CFAP58: variants seen among roughly 807,000 people sequenced by gnomAD.
CFAP58 encodes cilia- and flagella-associated protein 58.
In CFAP58, 88 loss-of-function variants were observed where a neutral mutation model predicts 119.5. The ratio of observed to expected loss-of-function variants is 0.74; its 90% CI spans 0.62 to 0.88. The LOEUF is 0.88. Among genes scored for constraint, CFAP58 ranks in the 40% least tolerant of loss-of-function variants. The pLI is 0.00. For synonymous variants in CFAP58, 365 were observed against 366.3 expected, an observed-to-expected ratio of 1.00 and a Z score of 0.04; for missense variants, 990 against 1,021.2, an observed-to-expected ratio of 0.97 and a Z score of 0.42.
At chr10:104,367,837 A>G (rs898667981) in intron 5 of CFAP58, among the ~76,000 whole-genome samples, 1 of 152,238 alleles carries the variant, frequency 6.6e-6, no homozygotes, top group Non-Finnish European at 1.5e-5. Flanking sequence ...ATATCTGCTT[A>G]GGATAGTCAA....
chr10:104,362,532 C>G (rs2014684011), intron 3 of CFAP58, among the ~76,000 whole-genome samples: 1 of 152,138 alleles, frequency 6.6e-6, no homozygotes, highest in Non-Finnish European at 1.5e-5. Flanking sequence ...TCATCACCAA[C>G]CCTCCCACCC....
intron 15 of CFAP58, among the ~76,000 whole-genome samples, chr10:104,425,898 A>G (rs1361409826): frequency 2.0e-5 from 3 of 152,194 alleles, no homozygotes; most frequent in Non-Finnish European, 4.4e-5. Flanking sequence ...GGTAAGGGAC[A>G]GGCTCTGGGG....
Position 104,362,252 on chromosome 10 carries a change from G to A in CFAP58, c.440+81G>A, listed in dbSNP as rs951062830. The A allele has an allele frequency of 9.5e-6, 12 of 1,257,466 alleles. No individual in the cohort carries two copies. In the African/African-American group the frequency reaches 1.7e-4, roughly 18 times the overall value. 77.9% of individuals were successfully genotyped at this position (1,257,466 alleles called of 1,614,324 possible). On this transcript the variant is annotated intron_variant, in intron 3 of 17. Coordinates refer to ENST00000369704, the MANE Select transcript of CFAP58 (RefSeq NM_001008723.2). ...AGTAGACAGCCTGGGGCTTGCCAGT[G>A]TCTTCTTGAACATTGTCTGTGATAC...
chr10:104,449,449 C>A (rs987045266), intron 16 of CFAP58, among the ~76,000 whole-genome samples: 57 of 152,108 alleles, frequency 3.7e-4, no homozygotes, highest in African/African-American at 1.4e-3. Context: ...GAGTGAATTC[C>A]CACTCTTCTT....
chr10:104,443,009 C>T (rs538168760), intron 15 of CFAP58, among the ~76,000 whole-genome samples: 195 of 152,198 alleles, frequency 1.3e-3, no homozygotes, highest in African/African-American at 4.3e-3. Context: ...CTGACCTGAC[C>T]GTGTAATTGC....
Position 104,358,341 on chromosome 10 carries a change from GA to G in CFAP58, c.14del (p.Lys5ArgfsTer46). The G allele has an allele frequency of 6.2e-7, 1 of 1,607,220 alleles. No individual in the cohort carries two copies. MAE[E>X]KGGKQVLEES... is the part of the protein sequence containing the mutation. Reference sequence around the variant, plus strand: ...TCCCATCCCTGCTTTTTTTCTATAGGAAAAGGGTGGAAAGCAAGTCCTGGAA... The same window carrying G: ...TCCCATCCCTGCTTTTTTTCTATAGGAAAGGGTGGAAAGCAAGTCCTGGAA... On this transcript the variant is annotated frameshift_variant and splice_region_variant, in exon 2 of 18. Transcript: ENST00000369704. LOFTEE classifies it high-confidence loss of function.
chr10:104,346,782 C>T, the CFAP58 span, among the ~76,000 whole-genome samples: 2 of 151,452 alleles, frequency 1.3e-5, no homozygotes, highest in East Asian at 3.9e-4. Context: ...ATTACAGGGG[C>T]CCACCACCAC....
chr10:104,347,128 C>T, the CFAP58 span, among the ~76,000 whole-genome samples: 4 of 152,034 alleles, frequency 2.6e-5, no homozygotes, highest in Admixed American at 2.6e-4. Flanking sequence ...CAATAAAATT[C>T]AAGGCAGGTA....
At chr10:104,407,820 C>T (rs2012389647) in intron 15 of CFAP58, among the ~76,000 whole-genome samples, 1 of 152,116 alleles carries the variant, frequency 6.6e-6, no homozygotes, top group African/African-American at 2.4e-5. Context: ...CCTCAGCCTC[C>T]CAAGTAGCTG....
Position 104,406,732 on chromosome 10 carries a change from C to T in CFAP58, c.2195C>T (p.Thr732Ile), listed in dbSNP as rs1363385144. 2 of 1,614,070 alleles carry T rather than the reference C, an allele frequency of 1.2e-6. No homozygotes were observed. Among genetic ancestry groups the T allele is most frequent in the African/African-American group, 1.3e-5 (1 of 74,912 alleles). The change falls in exon 15 of 18, where the codon ACC becomes ATC. Residue 732 changes from threonine to isoleucine, a missense_variant. Coordinates refer to ENST00000369704, the MANE Select transcript of CFAP58 (RefSeq NM_001008723.2). Reference protein sequence around the residue: ...NAYELIQKIHTLQKRLISKTE... With the variant: ...NAYELIQKIHILQKRLISKTE... ...TATGAGCTGATACAGAAAATTCACA[C>T]CCTGCAGAAGCGTCTCATCAGCAAG...
At chr10:104,452,486 A>G (rs1413057312) in intron 17 of CFAP58, among the ~76,000 whole-genome samples, 1 of 152,160 alleles carries the variant, frequency 6.6e-6, no homozygotes, top group African/African-American at 2.4e-5. Flanking sequence ...GGTTTGGCCT[A>G]GTCTTCTTTG....
chr10:104,406,629 A>C, intron 14 of CFAP58, 60 bp from the exon 15 acceptor site: 2 of 1,300,626 alleles, frequency 1.5e-6, no homozygotes, highest in Non-Finnish European at 1.1e-6. Context: ...TTTTACATAG[A>C]GGCCTCAGTG....
At chr10:104,440,092 G>T (rs2013012868) in intron 15 of CFAP58, among the ~76,000 whole-genome samples, 1 of 147,892 alleles carries the variant, frequency 6.8e-6, no homozygotes, top group Admixed American at 6.6e-5. Context: ...AAAGTGCTGG[G>T]ATTACAGGCG....
At position 104,371,070 on chromosome 10, in the gene CFAP58, C is replaced by T; in HGVS notation, c.1090+16C>T. 6.3e-7 allele frequency: 1 copy of T among 1,589,172 alleles called. No individual in the cohort carries two copies. The highest frequency in any genetic ancestry group is 8.5e-7 in the Non-Finnish European group (1 of 1,171,320). ...TTAGAGAGAGGTAAACCATTTTGCG[C>T]TTTTATTCATTTAGAAACATTTTAT... On this transcript the variant is annotated intron_variant, in intron 7 of 17. Coordinates refer to ENST00000369704, the MANE Select transcript of CFAP58 (RefSeq NM_001008723.2).
At chr10:104,453,921 A>G (rs2013235632) in intron 17 of CFAP58, among the ~76,000 whole-genome samples, 1 of 152,148 alleles carries the variant, frequency 6.6e-6, no homozygotes, top group Admixed American at 6.5e-5. Flanking sequence ...TCTAGTAATA[A>G]TGGTTGCTTG....
chr10:104,408,223 T>G (rs2012397191), intron 15 of CFAP58, among the ~76,000 whole-genome samples: 1 of 152,222 alleles, frequency 6.6e-6, no homozygotes. Context: ...GAGTAGACTT[T>G]GGAGTCCAGA....
In CFAP58 at chr10:104,406,705, C is replaced by T. The variant is rs1351479975; in HGVS notation, c.2168C>T (p.Ala723Val). Residue 723 changes from alanine to valine, a missense_variant, in exon 15 of 18, where the codon GCA becomes GTA. Coordinates refer to ENST00000369704, the MANE Select transcript of CFAP58 (RefSeq NM_001008723.2). ...CTTGGACAGGCCAGCGACCCCAATG[C>T]ATATGAGCTGATACAGAAAATTCAC... The part of the protein sequence containing the change: ...WRKLEASDPN[A>V]YELIQKIHTL... The T allele has an allele frequency of 1.2e-6, 2 of 1,614,054 alleles. No individual in the cohort carries two copies. Among genetic ancestry groups the T allele is most frequent in the Non-Finnish European group, 1.7e-6 (2 of 1,180,032 alleles).
chr10:104,376,464 C>T (rs2133006490), intron 7 of CFAP58, among the ~76,000 whole-genome samples: 1 of 146,296 alleles, frequency 6.8e-6, no homozygotes, highest in South Asian at 2.2e-4. Context: ...GATTGTGCCA[C>T]TGCACTCCAG....
intron 15 of CFAP58, among the ~76,000 whole-genome samples, chr10:104,410,592 T>C (rs2012444090): frequency 6.6e-6 from 1 of 152,238 alleles, no homozygotes; most frequent in Admixed American, 6.5e-5. Context: ...AGAAGTCTGC[T>C]GTACGTCTAA....
Sources: allele counts gnomAD v4.1 joint callset (sites outside exome capture counted in the v4.1 genomes callset), GRCh38; gene constraint gnomAD v4.1.1; transcripts MANE v1.5; gene names NCBI Gene and HGNC (gene_info 2026-07-23, HGNC 2026-07-21).